AUTS2: variants seen among roughly 807,000 people sequenced by gnomAD.
The protein encoded by AUTS2 is autism susceptibility gene 2 protein.
A neutral mutation model predicts 112.4 loss-of-function variants in AUTS2; 17 were observed. That is an observed-to-expected ratio of 0.15 (90% CI 0.10 to 0.23). The LOEUF (loss-of-function observed/expected upper bound fraction) is 0.23. Ranked by LOEUF, AUTS2 falls within the 10% of genes least tolerant of loss-of-function variation. The pLI is 1.00. For synonymous variants in AUTS2, 751 were observed against 702.7 expected (o/e 1.07, Z -1.09); for missense variants, 1,510 against 1,701.6 (o/e 0.89, Z 1.98).
At chr7:70,292,659 A>G (rs1423097734) in intron 4 of AUTS2, 2 of 152,190 alleles carry the variant, frequency 1.3e-5, no homozygotes, top group African/African-American at 2.4e-5. Flanking sequence ...ATAGGAAGCC[A>G]CTTCCAAGTA....
chr7:70,755,053 C>T (rs1357158180), intron 6 of AUTS2, among the ~76,000 whole-genome samples: 1 of 152,022 alleles, frequency 6.6e-6, no homozygotes, highest in Non-Finnish European at 1.5e-5. Context: ...CAATATTCAC[C>T]CTTTCCTTTC....
intron 2 of AUTS2, among the ~76,000 whole-genome samples, chr7:70,048,433 T>G (rs1801602063): frequency 6.6e-6 from 1 of 152,238 alleles, no homozygotes; most frequent in African/African-American, 2.4e-5. Flanking sequence ...CATATTTCTA[T>G]TAGTACTTAT....
chr7:69,635,812 C>G (rs962901455), intron 1 of AUTS2, among the ~76,000 whole-genome samples: 8 of 152,246 alleles, frequency 5.3e-5, no homozygotes. Context: ...CTTGTCGCTA[C>G]TGACATTTCT....
chr7:70,314,296 T>C (rs1373825058), intron 4 of AUTS2, among the ~76,000 whole-genome samples: 3 of 152,216 alleles, frequency 2.0e-5, no homozygotes, highest in Admixed American at 6.5e-5. Flanking sequence ...ATTTTACAAA[T>C]TGGCATTTAG....
At chr7:70,420,941 C>T (rs1268270443) in intron 4 of AUTS2, among the ~76,000 whole-genome samples, 1 of 151,976 alleles carries the variant, frequency 6.6e-6, no homozygotes, top group Non-Finnish European at 1.5e-5. Context: ...TCAATAAAGC[C>T]ACAAAAAAAT....
intron 4 of AUTS2, among the ~76,000 whole-genome samples, chr7:70,216,497 C>T (rs948470336): frequency 3.3e-5 from 5 of 152,160 alleles, no homozygotes; most frequent in Admixed American, 6.5e-5. Context: ...TCCTTCCTCC[C>T]GCTAGGCCTT....
rs115996604 is a variant in AUTS2, at chr7:69,917,777, T to G, written c.522+18279T>G. On this transcript the variant is annotated intron_variant, in intron 2 of 18. Coordinates refer to ENST00000342771, the MANE Select transcript of AUTS2 (RefSeq NM_015570.4). Reference sequence around the variant, plus strand: ...CATAGGGTATTTGGTTTTACATTCCTGAGTCACTTCACTTAGAATAATGGT... The same window carrying G: ...CATAGGGTATTTGGTTTTACATTCCGGAGTCACTTCACTTAGAATAATGGT... 2.9e-3 allele frequency among the ~76,000 whole-genome samples: 444 copies of G among 152,316 alleles called. 5 individuals are homozygous for G. Among genetic ancestry groups the G allele is most frequent in the African/African-American group, 0.01 (430 of 41,568 alleles).
At chr7:70,412,591 A>G (rs907532848) in intron 4 of AUTS2, among the ~76,000 whole-genome samples, 1 of 152,254 alleles carries the variant, frequency 6.6e-6, no homozygotes, top group Non-Finnish European at 1.5e-5. Context: ...ATGGTTTTAG[A>G]TAAGTGGGTG....
chr7:69,840,732 C>T (rs1181093175), intron 1 of AUTS2, among the ~76,000 whole-genome samples: 1 of 152,134 alleles, frequency 6.6e-6, no homozygotes, highest in Non-Finnish European at 1.5e-5. Context: ...ACTATGATGT[C>T]AACTTCTCAT....
At chr7:69,850,330 CG>C in intron 1 of AUTS2, among the ~76,000 whole-genome samples, 1 of 137,552 alleles carries the variant, frequency 7.3e-6, no homozygotes, top group African/African-American at 2.7e-5. Flanking sequence ...CAAAAAAACC[CG>C]GAGGTTGCAG....
At chr7:69,665,723 G>A (rs1208179705) in intron 1 of AUTS2, among the ~76,000 whole-genome samples, 1 of 152,124 alleles carries the variant, frequency 6.6e-6, no homozygotes, top group Non-Finnish European at 1.5e-5. Flanking sequence ...CATATAATCA[G>A]TATTTTTGAA....
intron 4 of AUTS2, among the ~76,000 whole-genome samples, chr7:70,277,946 G>A (rs1191963502): frequency 4.6e-5 from 6 of 131,666 alleles, no homozygotes; most frequent in Non-Finnish European, 9.5e-5. Flanking sequence ...GTGTGTGTGT[G>A]TGTATGTATG....
At chr7:69,809,968 A>G (rs949467908) in intron 1 of AUTS2, among the ~76,000 whole-genome samples, 2 of 152,170 alleles carry the variant, frequency 1.3e-5, no homozygotes, top group African/African-American at 4.8e-5. Context: ...TTTTCCTAAA[A>G]TATACACATT....
chr7:70,519,278 G>T (rs1294063646), intron 5 of AUTS2, among the ~76,000 whole-genome samples: 1 of 152,192 alleles, frequency 6.6e-6, no homozygotes, highest in Non-Finnish European at 1.5e-5. Flanking sequence ...TTTCAGGTTT[G>T]TTGGGCCCAA....
intron 5 of AUTS2, among the ~76,000 whole-genome samples, chr7:70,492,637 C>T (rs921517770): frequency 1.3e-5 from 2 of 152,178 alleles, no homozygotes; most frequent in African/African-American, 4.8e-5. Flanking sequence ...TACCTAGAGA[C>T]AAAGCGGAGA....
chr7:70,685,133 G>T (rs1358496933), intron 5 of AUTS2, among the ~76,000 whole-genome samples: 1 of 152,042 alleles, frequency 6.6e-6, no homozygotes. Flanking sequence ...GTCTTTCCCT[G>T]GGACTAACCA....
At chr7:70,420,907 C>G (rs1585125278) in intron 4 of AUTS2, among the ~76,000 whole-genome samples, 1 of 152,094 alleles carries the variant, frequency 6.6e-6, no homozygotes, top group East Asian at 1.9e-4. Context: ...CAAATACGTG[C>G]CTTTTACCAA....
chr7:70,311,994 A>G (rs6954715), intron 4 of AUTS2, among the ~76,000 whole-genome samples: 44,344 of 152,008 alleles, frequency 0.29, 6,788 homozygotes, highest in African/African-American at 0.38. Context: ...GATTATAGGC[A>G]TGAGCCACCG....
chr7:70,607,036 T>G (rs969898376), intron 5 of AUTS2, among the ~76,000 whole-genome samples: 18 of 152,102 alleles, frequency 1.2e-4, no homozygotes, highest in Admixed American at 9.8e-4. Context: ...AGAGTTAGAT[T>G]TATCCTGTGT....
Sources: gnomAD v4.1 joint callset for allele counts (sites outside exome capture counted in the v4.1 genomes callset) on GRCh38, gnomAD v4.1.1 for gene constraint, MANE v1.5 for transcripts, NCBI Gene and HGNC (gene_info 2026-07-23, HGNC 2026-07-21) for gene names.